The following MYO10 variants were observed in gnomAD, a reference collection of about 807,000 sequenced individuals.
MYO10 encodes the protein myosin X, also known as unconventional myosin-X.
MYO10 carries 133 observed loss-of-function variants against 257.3 expected under a neutral mutation model. That is an observed-to-expected ratio of 0.52 (90% confidence interval 0.45 to 0.60). MYO10 has a LOEUF of 0.60. Among genes scored for constraint, MYO10 ranks in the 20% least tolerant of loss-of-function variants. The pLI is 0.00. For missense variants in MYO10, 2,399 were observed against 2,635.7 expected (o/e 0.91, Z 1.97); for synonymous variants, 1,104 against 1,028.6 (o/e 1.07, Z -1.40).
chr5:16,867,840 TTA>T (rs1561027314), intron 2 of MYO10, among the ~76,000 whole-genome samples: 1 of 152,194 alleles, frequency 6.6e-6, no homozygotes, highest in Non-Finnish European at 1.5e-5. Context: ...TCAACCAAGC[TTA>T]GTTATCCTTG....
intron 1 of MYO10, among the ~76,000 whole-genome samples, chr5:16,906,520 C>T (rs1431358600): frequency 6.6e-6 from 1 of 152,182 alleles, no homozygotes; most frequent in Admixed American, 6.5e-5. Flanking sequence ...GAGAAGAGAG[C>T]TACTGCTTCT....
At chr5:16,810,213 A>G (rs995818081) in intron 3 of MYO10, among the ~76,000 whole-genome samples, 13 of 152,024 alleles carry the variant, frequency 8.6e-5, no homozygotes, top group African/African-American at 3.1e-4. Flanking sequence ...GGCACCTAAA[A>G]AACACTTGTT....
At chr5:16,689,801 C>T (rs1371354175) in intron 28 of MYO10, 23 bp downstream of exon 28, 16 of 1,574,398 alleles carry the variant, frequency 1.0e-5, no homozygotes, top group Non-Finnish European at 1.4e-5. Context: ...GTGGGTAACA[C>T]AAAGTCAACA....
intron 19 of MYO10, among the ~76,000 whole-genome samples, chr5:16,730,670 C>T (rs1464283965): frequency 6.6e-6 from 1 of 152,190 alleles, no homozygotes; most frequent in African/African-American, 2.4e-5. Context: ...AAGCCAGAAA[C>T]AAAGACAGAA....
At chr5:16,699,786 C>CAA (rs1203905060) in intron 25 of MYO10, 2,235 of 52,446 alleles carry the variant, frequency 0.043, 106 homozygotes, top group African/African-American at 0.089. Flanking sequence ...GCCTCAGTCT[C>CAA]AAAAAAAAAA....
intron 1 of MYO10, among the ~76,000 whole-genome samples, chr5:16,898,437 A>T (rs1413519293): frequency 7.0e-6 from 1 of 142,230 alleles, no homozygotes; most frequent in Non-Finnish European, 1.5e-5. Context: ...TTTGAGACAG[A>T]GTTTCACTCT....
intron 2 of MYO10, among the ~76,000 whole-genome samples, chr5:16,847,016 G>A (rs1298242751): frequency 6.6e-6 from 1 of 152,112 alleles, no homozygotes; most frequent in Non-Finnish European, 1.5e-5. Flanking sequence ...TATGCGGGAG[G>A]TTACGGCACA....
At chr5:16,834,800 G>A (rs1023037781) in intron 2 of MYO10, among the ~76,000 whole-genome samples, 1 of 152,188 alleles carries the variant, frequency 6.6e-6, no homozygotes, top group African/African-American at 2.4e-5. Context: ...AAAAATCAAT[G>A]GAATGAGTCC....
At chr5:16,712,959 G>A (rs551944690) in intron 19 of MYO10, among the ~76,000 whole-genome samples, 1 of 152,138 alleles carries the variant, frequency 6.6e-6, no homozygotes, top group African/African-American at 2.4e-5. Context: ...TGCGGGTTGG[G>A]GGGTGGCTGA....
At chr5:16,918,452 C>T (rs1463066208) in intron 1 of MYO10, among the ~76,000 whole-genome samples, 4 of 151,234 alleles carry the variant, frequency 2.6e-5, no homozygotes, top group Non-Finnish European at 2.9e-5. Context: ...GCATTCCACA[C>T]GGATGCTCCC....
At chr5:16,886,292 G>C (rs1296698531) in intron 1 of MYO10, among the ~76,000 whole-genome samples, 1 of 152,160 alleles carries the variant, frequency 6.6e-6, no homozygotes, top group Non-Finnish European at 1.5e-5. Context: ...TGATAAAGTT[G>C]GAAATGTGTG....
chr5:16,892,604 C>G (rs1013764065), intron 1 of MYO10, among the ~76,000 whole-genome samples: 19 of 152,204 alleles, frequency 1.2e-4, no homozygotes, highest in Non-Finnish European at 1.8e-4. Flanking sequence ...GACTGCGCCA[C>G]TGCACTCCAG....
intron 33 of MYO10, among the ~76,000 whole-genome samples, chr5:16,678,786 C>A (rs1432803783): frequency 6.6e-6 from 1 of 152,216 alleles, no homozygotes; most frequent in Non-Finnish European, 1.5e-5. Flanking sequence ...TGCCGTCCAT[C>A]AGTAAAATAC....
chr5:16,924,383 T>G (rs1746074698), intron 1 of MYO10, among the ~76,000 whole-genome samples: 1 of 152,146 alleles, frequency 6.6e-6, no homozygotes, highest in South Asian at 2.1e-4. Flanking sequence ...AGTAAGGAGT[T>G]ACAAAATCCC....
In MYO10 at chr5:16,701,005, G is replaced by A. The variant is rs377707853; in HGVS notation, c.3390C>T (p.Ser1130=). 6.4e-7 allele frequency: 1 copy of A among 1,560,832 alleles called. No individual in the cohort carries two copies. Among genetic ancestry groups the A allele is most frequent in the Non-Finnish European group, 8.7e-7 (1 of 1,152,522 alleles). The change falls in exon 25 of 41, where the codon AGC becomes AGT. Residue 1130 remains serine, a synonymous_variant. Transcript: ENST00000513610. The surrounding 1 kb of genome is among the most constrained non-coding windows in gnomAD (Gnocchi z 8.1). ...DYRCSVGTYN[S]SGAYRFSSEG... is the part of the protein sequence containing the mutation. ...CAGAGCTGAACCGGTAGGCACCCGA[G>A]CTGTTGTAGGTCCCCACAGAGCAGC...
intron 29 of MYO10, among the ~76,000 whole-genome samples, 199 bp from the exon 30 acceptor site, chr5:16,684,134 CATTT>C (rs1434971125): frequency 6.6e-6 from 1 of 152,162 alleles, no homozygotes; most frequent in African/African-American, 2.4e-5. Flanking sequence ...ATCTATAGGC[CATTT>C]ATTTTTTAAA....
At chr5:16,812,592 T>A (rs960636456) in intron 3 of MYO10, among the ~76,000 whole-genome samples, 1 of 152,138 alleles carries the variant, frequency 6.6e-6, no homozygotes, top group South Asian at 2.1e-4. Flanking sequence ...CCCCACTAAA[T>A]TGCAAGCTTT....
At chr5:16,799,170 T>C (rs1201179847) in intron 3 of MYO10, among the ~76,000 whole-genome samples, 1 of 149,156 alleles carries the variant, frequency 6.7e-6, no homozygotes. Flanking sequence ...ATATTCCTCC[T>C]CCTGGTTGGG....
intron 37 of MYO10, 63 bp downstream of exon 37, chr5:16,672,626 C>T (rs1433683231): frequency 3.8e-6 from 6 of 1,595,798 alleles, no homozygotes; most frequent in Admixed American, 1.7e-5. Context: ...AGCTCAAACC[C>T]TGAACCCTGC....
Sources: allele counts gnomAD v4.1 joint callset (sites outside exome capture counted in the v4.1 genomes callset), GRCh38; gene constraint gnomAD v4.1.1; non-coding constraint Gnocchi (gnomAD v3.1); transcripts MANE v1.5; gene names NCBI Gene and HGNC (gene_info 2026-07-23, HGNC 2026-07-21).